Variants in TANGO2 observed in about 807,000 individuals in gnomAD.
The protein encoded by TANGO2 is transport and golgi organization 2 homolog.
A neutral mutation model predicts 39.1 loss-of-function variants in TANGO2; 26 were observed. The ratio of observed to expected loss-of-function variants is 0.67; its 90% confidence interval spans 0.49 to 0.92. TANGO2 has a LOEUF of 0.92. TANGO2 is among the 40% of genes least tolerant of loss of function. TANGO2 has a pLI of 0.00. For missense variants in TANGO2, 326 were observed against 360.1 expected (o/e 0.91, Z 0.77); for synonymous variants, 131 against 144.5 (o/e 0.91, Z 0.67).
chr22:20,053,267 G>A lies in TANGO2; in HGVS notation c.266-170G>A, dbSNP rs2046733196. The A allele has an allele frequency of 2.2e-5, 13 of 583,150 alleles. 1 individual carries two copies. The South Asian group carries it at 2.7e-4, about 12-fold the overall frequency. The allele number at this position is 583,150 out of a possible 1,614,324, so 36.1% of individuals were successfully genotyped here. ...GCAGTTTTCAGTGCCGACCTGAGTG[G>A]CAGCCAGGCTAATGAGGTGTGGCTG... is the stretch of plus-strand genomic sequence containing the variant. On this transcript the variant is annotated intron_variant, in intron 4 of 8. Coordinates refer to ENST00000327374, the MANE Select transcript of TANGO2 (RefSeq NM_152906.7).
upstream of TANGO2, among the ~76,000 whole-genome samples, chr22:20,017,663 T>C (rs1445148242): frequency 6.6e-6 from 1 of 152,214 alleles, no homozygotes; most frequent in African/African-American, 2.4e-5. Flanking sequence ...TCCCATTTTC[T>C]TCACCCTACC....
intron 1 of TANGO2, among the ~76,000 whole-genome samples, chr22:20,024,883 A>G (rs1601805432): frequency 6.6e-6 from 1 of 152,106 alleles, no homozygotes; most frequent in East Asian, 2.0e-4. Context: ...TTGCTGCGAC[A>G]GCCCAGCTAC....
At chr22:20,064,366 A>C (rs1419395526) in intron 8 of TANGO2, among the ~76,000 whole-genome samples, 176 bp from the exon 9 acceptor site, 1 of 152,160 alleles carries the variant, frequency 6.6e-6, no homozygotes, top group Non-Finnish European at 1.5e-5. Context: ...CTCACACGCC[A>C]CTGATGGCCC....
rs1491540119 is a variant in TANGO2, at chr22:20,050,357, G to GTTTTTTTTTTTTTTTTTTTTTTTT, written c.146-2108_146-2107insTTTTTTTTTTTTTTTTTTTTTTTT. On this transcript the variant is annotated intron_variant, in intron 3 of 8. Coordinates refer to ENST00000327374, the MANE Select transcript of TANGO2 (RefSeq NM_152906.7). ...ATTTTTCATTAAATATTTTCCTGGT[G>GTTTTTTTTTTTTTTTTTTTTTTTT]GTTTTTTTTTTTTTTTTTTTTTTTG... is the stretch of plus-strand genomic sequence containing the variant. Among the ~76,000 whole-genome samples the GTTTTTTTTTTTTTTTTTTTTTTTT allele has an allele frequency of 7.2e-5, 5 of 69,204 alleles. 2 individuals are homozygous for GTTTTTTTTTTTTTTTTTTTTTTTT. The highest frequency in any genetic ancestry group is 1.1e-4 in the African/African-American group (2 of 18,628). The allele number at this position is 69,204 out of a possible 152,430, so 45.4% of individuals were successfully genotyped here. A position where few individuals can be genotyped will look rare whatever the true frequency, so the allele number is the denominator to read the frequency against.
At chr22:20,019,698 C>G (rs562274819), upstream of TANGO2, among the ~76,000 whole-genome samples, 9 of 152,330 alleles carry the variant, frequency 5.9e-5, no homozygotes, top group African/African-American at 1.9e-4. Context: ...GCCATGAACC[C>G]CAGGGCACAG....
intron 6 of TANGO2, 187 bp from the exon 7 acceptor site, chr22:20,061,343 C>T: frequency 1.6e-6 from 1 of 626,228 alleles, no homozygotes; most frequent in African/African-American, 1.9e-5. Flanking sequence ...GAGTTCTCCT[C>T]TCCTTGCCAT....
chr22:20,061,287 T>C (rs936908994), intron 6 of TANGO2: 4 of 423,934 alleles, frequency 9.4e-6, no homozygotes, highest in Non-Finnish European at 1.7e-5. Flanking sequence ...CTGCTGGGCA[T>C]CTGTGCCTTG....
intron 3 of TANGO2, among the ~76,000 whole-genome samples, chr22:20,043,668 G>C (rs774505594): frequency 2.0e-5 from 3 of 152,192 alleles, no homozygotes; most frequent in Non-Finnish European, 4.4e-5. Flanking sequence ...GTCTGCATGG[G>C]GGCCCCATCA....
chr22:20,059,704 T>G (rs2048012996), intron 6 of TANGO2, among the ~76,000 whole-genome samples: 1 of 152,206 alleles, frequency 6.6e-6, no homozygotes, highest in African/African-American at 2.4e-5. Flanking sequence ...TTATTCAGAC[T>G]GGGTTGTCTT....
At chr22:20,028,370 C>G (rs2041194381) in intron 1 of TANGO2, among the ~76,000 whole-genome samples, 1 of 152,246 alleles carries the variant, frequency 6.6e-6, no homozygotes, top group Non-Finnish European at 1.5e-5. Context: ...CTGCTTTAGC[C>G]TCCCAAAGTG....
chr22:20,019,502 G>C (rs2039415785), upstream of TANGO2, among the ~76,000 whole-genome samples: 1 of 152,220 alleles, frequency 6.6e-6, no homozygotes, highest in African/African-American at 2.4e-5. Flanking sequence ...GCTCTGTCTA[G>C]CTGGGAAAAG....
upstream of TANGO2, chr22:20,017,248 C>G (rs1332321527): frequency 2.6e-5 from 4 of 152,312 alleles, no homozygotes; most frequent in African/African-American, 9.6e-5. Flanking sequence ...TCCCTCCTGT[C>G]GACATCGAAT....
intron 1 of TANGO2, among the ~76,000 whole-genome samples, chr22:20,033,540 C>A (rs1256431747): frequency 6.6e-6 from 1 of 152,226 alleles, no homozygotes; most frequent in African/African-American, 2.4e-5. Flanking sequence ...AGACCAACGG[C>A]CTTCTCTAAC....
intron 3 of TANGO2, among the ~76,000 whole-genome samples, chr22:20,049,673 A>G (rs957181948): frequency 6.6e-6 from 1 of 151,980 alleles, no homozygotes. Flanking sequence ...AAAAAAAAAA[A>G]AAAAGAAAAA....
intron 5 of TANGO2, 192 bp from the exon 6 acceptor site, chr22:20,055,751 A>G (rs2047206200): frequency 3.2e-6 from 2 of 620,304 alleles, no homozygotes; most frequent in African/African-American, 3.7e-5. Flanking sequence ...GTGATGCTGG[A>G]CAAGAGCTGG....
At chr22:20,050,428 A>G (rs1216189184) in intron 3 of TANGO2, among the ~76,000 whole-genome samples, 1 of 128,120 alleles carries the variant, frequency 7.8e-6, no homozygotes, top group Non-Finnish European at 1.5e-5. Flanking sequence ...CAATGGCGCC[A>G]TCTCTGCTCA....
intron 3 of TANGO2, among the ~76,000 whole-genome samples, chr22:20,044,725 G>T (rs1485967465): frequency 1.3e-5 from 2 of 152,196 alleles, no homozygotes; most frequent in Non-Finnish European, 2.9e-5. Context: ...GATGCAGTGG[G>T]TGCAGGGCTG....
At chr22:20,029,110 C>A (rs2146852489) in intron 1 of TANGO2, among the ~76,000 whole-genome samples, 1 of 152,338 alleles carries the variant, frequency 6.6e-6, no homozygotes, top group Admixed American at 6.5e-5. Context: ...TTTTTAGACA[C>A]CGCATGGAGT....
At chr22:20,020,034 A>G (rs1220784620), upstream of TANGO2, among the ~76,000 whole-genome samples, 5 of 152,168 alleles carry the variant, frequency 3.3e-5, no homozygotes, top group African/African-American at 1.2e-4. Flanking sequence ...GGCTCTTCCC[A>G]TCCCTGAGCC....
Sources: allele counts gnomAD v4.1 joint callset (sites outside exome capture counted in the v4.1 genomes callset), GRCh38; gene constraint gnomAD v4.1.1; transcripts MANE v1.5; gene names NCBI Gene and HGNC (gene_info 2026-07-23, HGNC 2026-07-21).